The following AGBL1 variants were observed in gnomAD, a reference collection of about 807,000 sequenced individuals.
AGBL1 encodes cytosolic carboxypeptidase 4.
Under a neutral mutation model 118.9 loss-of-function variants are expected in AGBL1, and 130 were observed. The observed-to-expected ratio is 1.09, with a 90% CI of 0.95 to 1.26. The LOEUF (loss-of-function observed/expected upper bound fraction) is 1.26, where lower values mean the gene tolerates loss of function less well. AGBL1 is among the 50% of genes most tolerant of loss of function. AGBL1 has a pLI of 0.00. For synonymous variants in AGBL1, 555 were observed against 478.9 expected (o/e 1.16, Z -2.08); for missense variants, 1,584 against 1,298.1 (o/e 1.22, Z -3.38).
At chr15:86,664,895 T>C (rs1438212006) in intron 21 of AGBL1, among the ~76,000 whole-genome samples, 4 of 152,110 alleles carry the variant, frequency 2.6e-5, no homozygotes, top group African/African-American at 9.7e-5. Flanking sequence ...CAGGCTTACA[T>C]GCATTGCTGA....
At chr15:86,137,064 G>A (rs139105243) in intron 1 of AGBL1, among the ~76,000 whole-genome samples, 114 of 152,188 alleles carry the variant, frequency 7.5e-4, no homozygotes, top group African/African-American at 2.7e-3. Flanking sequence ...TTATTACTGT[G>A]GGTGAGATAA....
rs939951263 is a variant in AGBL1 at position 86,907,269 on chromosome 15, G to A, written c.3341G>A (p.Gly1114Glu). Residue 1114 changes from glycine to glutamate, a missense_variant, in exon 23 of 23, where the codon GGG (glycine) becomes GAG (glutamate). Transcript: ENST00000614907. ...FEGEEEEEAP[G>E]QGGEAIP ...GGAGAGGAAGAAGAGGAGGCACCAG[G>A]GCAGGGAGGAGAAGCCATCCCATAG... The A allele has an allele frequency of 6.6e-6, 1 of 152,306 alleles. No individual in the cohort carries two copies. Among genetic ancestry groups the A allele is most frequent in the Non-Finnish European group, 1.5e-5 (1 of 68,200 alleles). 9.4% of individuals were successfully genotyped at this position (152,306 alleles called of 1,614,324 possible). A position where few individuals can be genotyped will look rare whatever the true frequency, so the allele number is the denominator to read the frequency against.
intron 3 of AGBL1, among the ~76,000 whole-genome samples, chr15:86,151,959 A>G (rs189943047): frequency 3.3e-5 from 5 of 152,302 alleles, no homozygotes; most frequent in Non-Finnish European, 5.9e-5. Flanking sequence ...TCCAACTTAC[A>G]AGGGATGTGA....
intron 22 of AGBL1, among the ~76,000 whole-genome samples, chr15:86,863,343 G>A (rs1010719313): frequency 6.6e-6 from 1 of 152,162 alleles, no homozygotes; most frequent in Non-Finnish European, 1.5e-5. Context: ...CAACCGTGAA[G>A]CCAATGACTG....
chr15:86,861,243 G>A (rs1596561582), intron 22 of AGBL1, among the ~76,000 whole-genome samples: 1 of 152,096 alleles, frequency 6.6e-6, no homozygotes, highest in Non-Finnish European at 1.5e-5. Context: ...ATAACATACT[G>A]TCTGGGTGCT....
chr15:86,733,873 C>T (rs917957729), intron 22 of AGBL1, among the ~76,000 whole-genome samples: 8 of 152,072 alleles, frequency 5.3e-5, no homozygotes, highest in Non-Finnish European at 7.4e-5. Context: ...TTGCATGGGT[C>T]GTATACACCC....
intron 1 of AGBL1, among the ~76,000 whole-genome samples, chr15:86,094,632 G>T (rs1396031176): frequency 6.6e-6 from 1 of 152,128 alleles, no homozygotes; most frequent in African/African-American, 2.4e-5. Flanking sequence ...TGGTCCTTCA[G>T]CAGTCATCTA....
chr15:86,162,885 A>T (rs1204620846), intron 5 of AGBL1, among the ~76,000 whole-genome samples: 1 of 152,062 alleles, frequency 6.6e-6, no homozygotes, highest in African/African-American at 2.4e-5. Flanking sequence ...TAGAAGTCTT[A>T]CCCAGTCTCC....
intron 22 of AGBL1, among the ~76,000 whole-genome samples, chr15:86,701,771 A>C (rs183123748): frequency 0.013 from 914 of 71,784 alleles, no homozygotes; most frequent in Middle Eastern, 0.024. Flanking sequence ...CCTTCCTTTC[A>C]CTCCTCTCCC....
intron 22 of AGBL1, among the ~76,000 whole-genome samples, chr15:86,843,449 A>G (rs567107554): frequency 2.0e-5 from 3 of 152,176 alleles, no homozygotes; most frequent in Non-Finnish European, 2.9e-5. Flanking sequence ...GGATTTTAAC[A>G]TAACCTTTGG....
chr15:86,249,342 G>A (rs2078771371), intron 7 of AGBL1, among the ~76,000 whole-genome samples: 1 of 152,114 alleles, frequency 6.6e-6, no homozygotes, highest in African/African-American at 2.4e-5. Context: ...CCACCAATGA[G>A]AGTGTTGTTT....
chr15:86,866,603 C>T (rs1346622305), intron 22 of AGBL1, among the ~76,000 whole-genome samples: 5 of 152,188 alleles, frequency 3.3e-5, no homozygotes, highest in South Asian at 4.1e-4. Flanking sequence ...CCTGTAATCC[C>T]AGCATTTTGG....
chr15:86,715,991 G>T (rs1369762529), intron 22 of AGBL1, among the ~76,000 whole-genome samples: 1 of 151,480 alleles, frequency 6.6e-6, no homozygotes, highest in Non-Finnish European at 1.5e-5. Context: ...ACTTGAACCC[G>T]GGAGGTGGAG....
chr15:87,018,909 CAAAAT>C (rs752259769), intron 24 of AGBL1, among the ~76,000 whole-genome samples: 1 of 151,818 alleles, frequency 6.6e-6, no homozygotes, highest in Non-Finnish European at 1.5e-5. Context: ...CACATAGTCT[CAAAAT>C]AAAGGAATGG....
chr15:86,745,119 T>G (rs554489228), intron 22 of AGBL1, among the ~76,000 whole-genome samples: 35 of 152,228 alleles, frequency 2.3e-4, no homozygotes, highest in African/African-American at 8.2e-4. Flanking sequence ...AATACACCAG[T>G]GAAAACAAAG....
At chr15:86,080,783 A>C (rs910200883) in intron 1 of AGBL1, among the ~76,000 whole-genome samples, 6 of 152,094 alleles carry the variant, frequency 3.9e-5, no homozygotes, top group Non-Finnish European at 8.8e-5. Context: ...CGGGGTCTCC[A>C]TGTAGATTTA....
intron 9 of AGBL1, among the ~76,000 whole-genome samples, 184 bp downstream of exon 9, chr15:86,258,215 C>T (rs565138089): frequency 2.1e-4 from 32 of 152,328 alleles, no homozygotes; most frequent in African/African-American, 7.5e-4. Context: ...TTGTCATTTT[C>T]ATCTTGGTAG....
chr15:86,104,984 G>C (rs1448959279), intron 1 of AGBL1: 1 of 152,178 alleles, frequency 6.6e-6, no homozygotes, highest in Admixed American at 6.5e-5. Flanking sequence ...GCATTGGGGA[G>C]CCTCTCCAGG....
chr15:86,779,443 A>G (rs1343348044), intron 22 of AGBL1, among the ~76,000 whole-genome samples: 1 of 152,204 alleles, frequency 6.6e-6, no homozygotes, highest in Non-Finnish European at 1.5e-5. Context: ...GGAATCATTT[A>G]TTCCCTGAAA....
Sources: allele counts gnomAD v4.1 joint callset (sites outside exome capture counted in the v4.1 genomes callset), GRCh38; gene constraint gnomAD v4.1.1; transcripts MANE v1.5; gene names NCBI Gene and HGNC (gene_info 2026-07-23, HGNC 2026-07-21).